Variants in KLHL29 observed in about 807,000 individuals in gnomAD.
KLHL29 encodes kelch-like protein 29.
A neutral mutation model predicts 80.4 loss-of-function variants in KLHL29; 21 were observed. That is an observed-to-expected ratio of 0.26 (90% confidence interval 0.19 to 0.38). The LOEUF (loss-of-function observed/expected upper bound fraction) is 0.38, where lower values mean the gene tolerates loss of function less well. Ranked by LOEUF, KLHL29 falls within the 10% of genes least tolerant of loss-of-function variation. The pLI is 1.00. For synonymous variants in KLHL29, 511 were observed against 526.8 expected, an observed-to-expected ratio of 0.97 and a Z score of 0.41; for missense variants, 867 against 1,223.9, an observed-to-expected ratio of 0.71 and a Z score of 4.35.
intron 1 of KLHL29, among the ~76,000 whole-genome samples, chr2:23,416,611 C>T (rs181951178): frequency 3.2e-4 from 49 of 152,358 alleles, no homozygotes; most frequent in African/African-American, 1.1e-3. Flanking sequence ...GTTCTCATCT[C>T]TCTGTCAATA....
At chr2:23,406,506 A>C (rs910539379) in intron 1 of KLHL29, among the ~76,000 whole-genome samples, 38 of 152,150 alleles carry the variant, frequency 2.5e-4, no homozygotes, top group Admixed American at 2.0e-4. Context: ...GCCTCATGTA[A>C]TTGAAAATTA....
chr2:23,425,419 G>A (rs1361943043), intron 1 of KLHL29, among the ~76,000 whole-genome samples: 4 of 152,150 alleles, frequency 2.6e-5, no homozygotes, highest in African/African-American at 4.8e-5. Context: ...CTCCTTGGGC[G>A]CCAGCAAATA....
chr2:23,600,413 T>C (rs13405191), intron 3 of KLHL29, among the ~76,000 whole-genome samples: 4,362 of 152,280 alleles, frequency 0.029, 196 homozygotes, highest in African/African-American at 0.1. Flanking sequence ...AAAGATTAGA[T>C]GCTTGAAAGA....
intron 3 of KLHL29, among the ~76,000 whole-genome samples, chr2:23,635,222 A>C (rs1033891929): frequency 1.3e-5 from 2 of 152,256 alleles, no homozygotes; most frequent in Non-Finnish European, 2.9e-5. Flanking sequence ...GTGGGTACAC[A>C]GCCTGGTGAG....
intron 3 of KLHL29, among the ~76,000 whole-genome samples, chr2:23,563,583 C>G (rs1282523228): frequency 6.6e-6 from 1 of 152,200 alleles, no homozygotes; most frequent in Non-Finnish European, 1.5e-5. Flanking sequence ...AAGTTAAAGG[C>G]GGGGAGCCCC....
intron 2 of KLHL29, among the ~76,000 whole-genome samples, chr2:23,483,618 C>T (rs1168364456): frequency 6.6e-6 from 1 of 152,226 alleles, no homozygotes; most frequent in Non-Finnish European, 1.5e-5. Context: ...TTTATGTTAC[C>T]TCCTTCTGTG....
chr2:23,613,634 C>G (rs1371823551), intron 3 of KLHL29, among the ~76,000 whole-genome samples: 2 of 151,556 alleles, frequency 1.3e-5, no homozygotes, highest in Admixed American at 6.6e-5. Flanking sequence ...GGTGGTGGCA[C>G]GCGCCTGTAA....
In KLHL29 at chr2:23,642,486, C is replaced by T. The variant is rs552838914; in HGVS notation, c.576C>T (p.His192=). 74 of 1,517,744 alleles carry T rather than the reference C, an allele frequency of 4.9e-5. No homozygotes were observed. The African/African-American group carries it at 5.0e-4, about 10-fold the overall frequency. 94.0% of individuals were successfully genotyped at this position (1,517,744 alleles called of 1,614,324 possible). A position where few individuals can be genotyped will look rare whatever the true frequency, so the allele number is the denominator to read the frequency against. ...GGGTGACCCCCTCACTGCCTCCCCA[C>T]GTGGGGCCCCAGCTCCCGCTGATGC... ...VIGVTPSLPP[H]VGPQLPLMPG... Residue 192 remains histidine (H), a synonymous_variant, in exon 5 of 14, where the codon CAC becomes CAT. Coordinates refer to ENST00000486442, the MANE Select transcript of KLHL29 (RefSeq NM_052920.2).
chr2:23,533,790 T>C (rs1232531575), intron 2 of KLHL29, among the ~76,000 whole-genome samples: 1 of 152,242 alleles, frequency 6.6e-6, no homozygotes, highest in Non-Finnish European at 1.5e-5. Context: ...ACAGTTGAAA[T>C]GCTAATTATA....
intron 1 of KLHL29, among the ~76,000 whole-genome samples, chr2:23,455,691 A>C (rs1342589404): frequency 2.0e-5 from 3 of 146,848 alleles, no homozygotes; most frequent in Non-Finnish European, 4.4e-5. Flanking sequence ...GGCTCACTGC[A>C]ACCTCTGCCT....
chr2:23,479,327 TC>T (rs1664723401), intron 2 of KLHL29, among the ~76,000 whole-genome samples: 1 of 151,896 alleles, frequency 6.6e-6, no homozygotes, highest in Non-Finnish European at 1.5e-5. Flanking sequence ...TCTGGTCCGT[TC>T]CCTGCCTGGT....
Position 23,583,205 on chromosome 2 carries a change from C to T in KLHL29, c.285+20724C>T, listed in dbSNP as rs190978578. On this transcript the variant is annotated intron_variant, in intron 3 of 13. Transcript: ENST00000486442. ...GGACCTTTCTGTCCTGTAAGCCACC[C>T]ACTGTGTGGTCGTTTGTTGCCGCAG... is the stretch of plus-strand genomic sequence containing the variant. Among the ~76,000 whole-genome samples, 35 of 152,296 alleles carry T rather than the reference C, an allele frequency of 2.3e-4. 1 individual carries two copies. The highest frequency in any genetic ancestry group is 7.9e-4 in the African/African-American group (33 of 41,574).
intron 6 of KLHL29, among the ~76,000 whole-genome samples, chr2:23,685,984 A>G (rs146309370): frequency 0.044 from 6,775 of 152,318 alleles, 187 homozygotes; most frequent in South Asian, 0.091. Context: ...AGAGGAGCAC[A>G]GGGCCCTCGG....
intron 1 of KLHL29, among the ~76,000 whole-genome samples, chr2:23,398,918 A>G (rs963377128): frequency 1.3e-5 from 2 of 152,222 alleles, no homozygotes; most frequent in Non-Finnish European, 2.9e-5. Flanking sequence ...CATCTTGTCT[A>G]TGGCAAATGC....
At chr2:23,679,051 T>TA (rs56061720) in intron 5 of KLHL29, among the ~76,000 whole-genome samples, 17,316 of 141,716 alleles carry the variant, frequency 0.12, 1,040 homozygotes, top group Middle Eastern at 0.17. Context: ...TTACCACAAC[T>TA]AAAAAAAAAA....
chr2:23,566,611 A>C (rs371897541), intron 3 of KLHL29, among the ~76,000 whole-genome samples: 1 of 152,198 alleles, frequency 6.6e-6, no homozygotes, highest in African/African-American at 2.4e-5. Context: ...GGTTATGTCA[A>C]CTCAGCATTT....
intron 3 of KLHL29, among the ~76,000 whole-genome samples, chr2:23,605,638 T>C (rs534933860): frequency 1.3e-5 from 2 of 152,130 alleles, no homozygotes; most frequent in Non-Finnish European, 2.9e-5. Flanking sequence ...CCCATGAAAA[T>C]AGACACATAT....
chr2:23,705,067 A>G (rs1329453883), intron 13 of KLHL29, among the ~76,000 whole-genome samples: 2 of 152,256 alleles, frequency 1.3e-5, no homozygotes, highest in Non-Finnish European at 2.9e-5. Context: ...TTCTTGAGCC[A>G]TACTTCCATG....
intron 5 of KLHL29, 46 bp downstream of exon 5, chr2:23,642,896 C>T: frequency 6.5e-7 from 1 of 1,547,734 alleles, no homozygotes; most frequent in African/African-American, 1.4e-5. Context: ...GCGTCTGCAC[C>T]TCCCTGCGCG....
Sources: allele counts gnomAD v4.1 joint callset (sites outside exome capture counted in the v4.1 genomes callset), GRCh38; gene constraint gnomAD v4.1.1; transcripts MANE v1.5; gene names NCBI Gene and HGNC (gene_info 2026-07-23, HGNC 2026-07-21).